PLPP1: variants seen among roughly 807,000 people sequenced by gnomAD.
PLPP1 encodes phospholipid phosphatase 1, also known as lipid phosphate phosphohydrolase 1a.
PLPP1 carries 24 observed loss-of-function variants against 31.2 expected under a neutral mutation model. That is an observed-to-expected ratio of 0.77 (90% confidence interval 0.56 to 1.08). The LOEUF (loss-of-function observed/expected upper bound fraction) is 1.08, where lower values mean the gene tolerates loss of function less well. Ranked by LOEUF, PLPP1 falls within the 50% of genes least tolerant of loss-of-function variation. The pLI, the probability that PLPP1 is intolerant of heterozygous loss-of-function variation, is 0.00. For missense variants in PLPP1, 319 were observed against 342.7 expected (o/e 0.93, Z 0.55); for synonymous variants, 146 against 126.3 (o/e 1.16, Z -1.05).
At chr5:55,503,534 G>C (rs1000891290) in intron 1 of PLPP1, among the ~76,000 whole-genome samples, 1 of 151,846 alleles carries the variant, frequency 6.6e-6, no homozygotes, top group African/African-American at 2.4e-5. Flanking sequence ...TCAGCACTTT[G>C]GGAGGCCGAG....
chr5:55,493,879 C>CAAA (rs35683543), intron 1 of PLPP1, among the ~76,000 whole-genome samples: 1 of 95,740 alleles, frequency 1.0e-5, no homozygotes, highest in Non-Finnish European at 2.2e-5. Context: ...GACTCCATCT[C>CAAA]AAAAAAAAAA....
intron 1 of PLPP1, among the ~76,000 whole-genome samples, chr5:55,500,776 T>A (rs1388905471): frequency 1.3e-5 from 2 of 152,078 alleles, no homozygotes; most frequent in African/African-American, 4.8e-5. Context: ...ATGAGAGATG[T>A]TAAGGGCCTG....
chr5:55,452,706 C>A (rs954506711), intron 3 of PLPP1, among the ~76,000 whole-genome samples: 16 of 152,146 alleles, frequency 1.1e-4, no homozygotes, highest in Non-Finnish European at 2.4e-4. Flanking sequence ...TTATGGATCA[C>A]CCTTTCTCTG....
chr5:55,531,966 G>A (rs1740684923), intron 1 of PLPP1, among the ~76,000 whole-genome samples: 1 of 152,204 alleles, frequency 6.6e-6, no homozygotes, highest in Admixed American at 6.5e-5. Flanking sequence ...AGAAATGCCA[G>A]TAATACCAAA....
Position 55,451,240 on chromosome 5 carries a change from TGA to T in PLPP1, c.492-9334_492-9333del, listed in dbSNP as rs529768025. Among the ~76,000 whole-genome samples, 13 of 152,352 alleles carry T rather than the reference TGA, an allele frequency of 8.5e-5. No homozygotes were observed. In the South Asian group the frequency reaches 1.0e-3, roughly 12 times the overall value. Reference sequence around the variant, plus strand: ...TTTGAGATCAGCCTGGGCTACACAGTGAGACCCTGTCTCTACAAAAAAAATTT... The same window carrying T: ...TTTGAGATCAGCCTGGGCTACACAGTGACCCTGTCTCTACAAAAAAAATTT... On this transcript the variant is annotated intron_variant, in intron 3 of 5. Coordinates refer to ENST00000307259, the MANE Select transcript of PLPP1 (RefSeq NM_003711.4).
At chr5:55,438,232 C>T (rs1418568404) in intron 4 of PLPP1, among the ~76,000 whole-genome samples, 1 of 152,182 alleles carries the variant, frequency 6.6e-6, no homozygotes, top group Non-Finnish European at 1.5e-5. Context: ...GAATCTCTGG[C>T]ATTCAGCCAA....
intron 2 of PLPP1, among the ~76,000 whole-genome samples, chr5:55,474,202 G>A (rs1752488168): frequency 6.6e-6 from 1 of 151,418 alleles, no homozygotes; most frequent in African/African-American, 2.4e-5. Context: ...TCACCAGGTT[G>A]GCCAGGCTGG....
chr5:55,433,993 C>T (rs887671546), intron 4 of PLPP1, among the ~76,000 whole-genome samples: 6 of 151,596 alleles, frequency 4.0e-5, no homozygotes, highest in South Asian at 2.1e-4. Context: ...AAGAATTAGC[C>T]GGGTGCATGC....
chr5:55,448,736 C>G (rs1751827286), intron 3 of PLPP1, among the ~76,000 whole-genome samples: 1 of 152,154 alleles, frequency 6.6e-6, no homozygotes, highest in Non-Finnish European at 1.5e-5. Flanking sequence ...GCATGAGCCT[C>G]CGCACCCAGC....
intron 1 of PLPP1, among the ~76,000 whole-genome samples, chr5:55,525,118 G>C (rs1753752640): frequency 6.6e-6 from 1 of 152,194 alleles, no homozygotes; most frequent in Admixed American, 6.5e-5. Context: ...GAGTACTCAT[G>C]AGAAACATTT....
intron 3 of PLPP1, among the ~76,000 whole-genome samples, chr5:55,459,641 A>T (rs1175395302): frequency 6.6e-6 from 1 of 152,256 alleles, no homozygotes; most frequent in Non-Finnish European, 1.5e-5. Context: ...CGATGACAGA[A>T]AGATAAATGC....
At chr5:55,440,240 G>A (rs913073671) in intron 4 of PLPP1, among the ~76,000 whole-genome samples, 4 of 152,146 alleles carry the variant, frequency 2.6e-5, no homozygotes, top group Non-Finnish European at 4.4e-5. Context: ...ACAAAAGCTA[G>A]ACCTAGTGAG....
At chr5:55,491,107 C>T (rs1219677293) in intron 1 of PLPP1, 8 of 1,611,624 alleles carry the variant, frequency 5.0e-6, no homozygotes, top group Non-Finnish European at 6.8e-6. Context: ...CAGCCATAGG[C>T]ATGGAAGCTG....
chr5:55,464,791 C>G (rs1468445461), intron 3 of PLPP1, among the ~76,000 whole-genome samples: 1 of 152,022 alleles, frequency 6.6e-6, no homozygotes, highest in Non-Finnish European at 1.5e-5. Flanking sequence ...GAAACTTGAC[C>G]CTCCGGTTGC....
chr5:55,479,113 C>T (rs1239540041), intron 1 of PLPP1, among the ~76,000 whole-genome samples: 3 of 151,396 alleles, frequency 2.0e-5, no homozygotes, highest in African/African-American at 7.3e-5. Flanking sequence ...CAACCTCCAC[C>T]TTCCGGGTTC....
At chr5:55,496,535 G>A in intron 1 of PLPP1, among the ~76,000 whole-genome samples, 1 of 152,146 alleles carries the variant, frequency 6.6e-6, no homozygotes, top group Non-Finnish European at 1.5e-5. Context: ...GCTAGCCCAG[G>A]ATACTACAAT....
chr5:55,525,465 C>A (rs1268042992), intron 1 of PLPP1, among the ~76,000 whole-genome samples: 3 of 152,148 alleles, frequency 2.0e-5, no homozygotes, highest in Admixed American at 6.6e-5. Context: ...TTTTTCATAG[C>A]TTATAAGGAA....
At chr5:55,435,040 C>G (rs1394341197) in intron 4 of PLPP1, among the ~76,000 whole-genome samples, 1 of 152,132 alleles carries the variant, frequency 6.6e-6, no homozygotes, top group Non-Finnish European at 1.5e-5. Flanking sequence ...AGGAACTCAA[C>G]TCAACGGTAG....
At chr5:55,504,770 T>C (rs1216764875) in intron 1 of PLPP1, among the ~76,000 whole-genome samples, 2 of 151,678 alleles carry the variant, frequency 1.3e-5, no homozygotes, top group African/African-American at 4.8e-5. Flanking sequence ...AATTAACACT[T>C]GATATTTCCA....
Sources: gnomAD v4.1 joint callset for allele counts (sites outside exome capture counted in the v4.1 genomes callset) on GRCh38, gnomAD v4.1.1 for gene constraint, MANE v1.5 for transcripts, NCBI Gene and HGNC (gene_info 2026-07-23, HGNC 2026-07-21) for gene names.